Variants in HMGA2 observed in about 807,000 individuals in gnomAD.
HMGA2 encodes the protein high mobility group protein HMGI-C.
A neutral mutation model predicts 19.1 loss-of-function variants in HMGA2; 8 were observed. That is an observed-to-expected ratio of 0.42 (90% CI 0.25 to 0.76). The LOEUF (loss-of-function observed/expected upper bound fraction) is 0.76, where lower values mean the gene tolerates loss of function less well. Among genes scored for constraint, HMGA2 ranks in the 30% least tolerant of loss-of-function variants. HMGA2 has a pLI of 0.28. For missense variants in HMGA2, 109 were observed against 136.3 expected, an observed-to-expected ratio of 0.80 and a Z score of 1.00; for synonymous variants, 60 against 48.8, an observed-to-expected ratio of 1.23 and a Z score of -0.96.
chr12:65,899,106 G>A (rs1173545013), intron 3 of HMGA2, among the ~76,000 whole-genome samples: 3 of 147,052 alleles, frequency 2.0e-5, no homozygotes, highest in African/African-American at 7.5e-5. Context: ...AGGTTCTGGT[G>A]TTAAAAGACA....
chr12:65,868,534 C>T (rs762358313), intron 3 of HMGA2, among the ~76,000 whole-genome samples: 2 of 152,070 alleles, frequency 1.3e-5, no homozygotes, highest in East Asian at 1.9e-4. Context: ...CAATGAGTCA[C>T]CTCACTTGGG....
At chr12:65,949,128 TG>T (rs1565740791) in intron 3 of HMGA2, among the ~76,000 whole-genome samples, 1 of 152,184 alleles carries the variant, frequency 6.6e-6, no homozygotes, top group Non-Finnish European at 1.5e-5. Flanking sequence ...TCATCGTTCT[TG>T]GTTCGATTTT....
intron 3 of HMGA2, among the ~76,000 whole-genome samples, chr12:65,937,082 A>C (rs1875922934): frequency 6.6e-6 from 1 of 152,176 alleles, no homozygotes; most frequent in Admixed American, 6.5e-5. Context: ...GAGCAACTAC[A>C]ATCAAAGATA....
chr12:65,895,748 T>A (rs545724140), intron 3 of HMGA2, among the ~76,000 whole-genome samples: 15 of 152,334 alleles, frequency 9.8e-5, no homozygotes, highest in African/African-American at 2.9e-4. Context: ...CCTAGCAGAC[T>A]TCTTTCTGGT....
At chr12:65,947,117 TCA>T (rs1481613750) in intron 3 of HMGA2, among the ~76,000 whole-genome samples, 1 of 151,560 alleles carries the variant, frequency 6.6e-6, no homozygotes, top group Non-Finnish European at 1.5e-5. Context: ...CTTTGAATTC[TCA>T]CCACTTTTTT....
intron 2 of HMGA2, among the ~76,000 whole-genome samples, chr12:65,835,077 T>A (rs1870656031): frequency 6.6e-6 from 1 of 152,212 alleles, no homozygotes; most frequent in African/African-American, 2.4e-5. Context: ...ATGTGAGCAA[T>A]AAATAGTGAG....
At chr12:65,898,502 C>T (rs945075290) in intron 3 of HMGA2, among the ~76,000 whole-genome samples, 21 of 151,304 alleles carry the variant, frequency 1.4e-4, no homozygotes, top group African/African-American at 5.1e-4. Context: ...AACGAGGCAT[C>T]TTTTTTTTTC....
At chr12:65,934,292 G>T (rs1273670191) in intron 3 of HMGA2, among the ~76,000 whole-genome samples, 1 of 152,130 alleles carries the variant, frequency 6.6e-6, no homozygotes, top group Non-Finnish European at 1.5e-5. Context: ...AACCAGTATT[G>T]CCTGGATCCA....
At chr12:65,945,788 T>C (rs908456334) in intron 3 of HMGA2, among the ~76,000 whole-genome samples, 1 of 152,166 alleles carries the variant, frequency 6.6e-6, no homozygotes, top group Non-Finnish European at 1.5e-5. Flanking sequence ...AAATAACCGG[T>C]CAATTTTGTC....
chr12:65,889,185 T>A (rs1873800292), intron 3 of HMGA2, among the ~76,000 whole-genome samples: 1 of 152,242 alleles, frequency 6.6e-6, no homozygotes, highest in South Asian at 2.1e-4. Flanking sequence ...ACATTTAAGA[T>A]TTCTTTCATT....
intron 3 of HMGA2, among the ~76,000 whole-genome samples, chr12:65,931,551 T>TTGTGTGTGTGTGTGTGTG: frequency 6.9e-6 from 1 of 144,246 alleles, no homozygotes; most frequent in Non-Finnish European, 1.5e-5. Flanking sequence ...TTATAGATGT[T>TTGTGTGTGTGTGTGTGTG]TGTGTGTGTG....
rs549826711 is a variant in HMGA2, at chr12:65,892,493, A to G, written c.249+53924A>G. Reference sequence around the variant, plus strand: ...AACACCAACTCTGGACAGGTTTTTCATTTACTCCTAGCTGACTCTTTTTTG... The same window carrying G: ...AACACCAACTCTGGACAGGTTTTTCGTTTACTCCTAGCTGACTCTTTTTTG... On this transcript the variant is annotated intron_variant, in intron 3 of 4. Coordinates refer to ENST00000403681, the MANE Select transcript of HMGA2 (RefSeq NM_003483.6). Among the ~76,000 whole-genome samples, 289 of 152,178 alleles carry G rather than the reference A, an allele frequency of 1.9e-3. 1 individual carries two copies. Among genetic ancestry groups the G allele is most frequent in the Non-Finnish European group, 3.5e-3 (239 of 67,974 alleles).
intron 3 of HMGA2, among the ~76,000 whole-genome samples, chr12:65,913,823 G>T (rs1874952365): frequency 6.6e-6 from 1 of 152,150 alleles, no homozygotes; most frequent in African/African-American, 2.4e-5. Context: ...TGTTCCTGAT[G>T]TGTCACCAGT....
chr12:65,915,489 G>T, intron 3 of HMGA2: 1 of 1,216,116 alleles, frequency 8.2e-7, no homozygotes, highest in Non-Finnish European at 1.0e-6. Context: ...GTGTGGCTAT[G>T]GTGTGGTTTG....
chr12:65,944,706 A>G (rs531283379), intron 3 of HMGA2, among the ~76,000 whole-genome samples: 1 of 152,184 alleles, frequency 6.6e-6, no homozygotes, highest in Non-Finnish European at 1.5e-5. Flanking sequence ...ACCATATGAA[A>G]TTGCTGATAA....
At chr12:65,925,478 C>T (rs1260396514) in intron 3 of HMGA2, among the ~76,000 whole-genome samples, 3 of 152,120 alleles carry the variant, frequency 2.0e-5, no homozygotes, top group South Asian at 2.1e-4. Flanking sequence ...ACCAGAGTTC[C>T]GATTCTGCTC....
intron 3 of HMGA2, among the ~76,000 whole-genome samples, chr12:65,899,309 C>T (rs1440891315): frequency 1.3e-5 from 2 of 152,206 alleles, no homozygotes; most frequent in Admixed American, 1.3e-4. Context: ...CAAGTCCTTT[C>T]CAATGTTTAT....
At position 65,916,888 on chromosome 12, in the gene HMGA2, T is replaced by G. The variant is rs534895308; in HGVS notation, c.250-34495T>G. ...ACTTTGGCAGCTGGGGCAGCGGCAC[T>G]TGGGCCGCTTATGTGAGGTAGCCCG... On this transcript the variant is annotated intron_variant, in intron 3 of 4. Coordinates refer to ENST00000403681, the MANE Select transcript of HMGA2 (RefSeq NM_003483.6). 2.6e-5 allele frequency among the ~76,000 whole-genome samples: 4 copies of G among 152,316 alleles called. No individual in the cohort carries two copies. The South Asian group carries it at 8.3e-4, about 32-fold the overall frequency.
intron 3 of HMGA2, among the ~76,000 whole-genome samples, chr12:65,913,738 G>A (rs1408645836): frequency 2.6e-5 from 4 of 152,170 alleles, no homozygotes; most frequent in Non-Finnish European, 4.4e-5. Flanking sequence ...TTCTCTGAAC[G>A]TAAGTTCCCT....
Sources: gnomAD v4.1 joint callset for allele counts (sites outside exome capture counted in the v4.1 genomes callset) on GRCh38, gnomAD v4.1.1 for gene constraint, MANE v1.5 for transcripts, NCBI Gene and HGNC (gene_info 2026-07-23, HGNC 2026-07-21) for gene names.